Variants in PACS1 observed in about 807,000 individuals in gnomAD.
PACS1 encodes phosphofurin acidic cluster sorting protein 1.
In PACS1, 24 loss-of-function variants were observed where a neutral mutation model predicts 115.0. That is an observed-to-expected ratio of 0.21 (90% CI 0.15 to 0.29). PACS1 has a LOEUF of 0.29. PACS1 is among the 10% of genes least tolerant of loss of function. The probability of loss-of-function intolerance (pLI) is 1.00; values close to 1 mark genes in which losing one functional copy is unlikely to be tolerated. For missense variants in PACS1, 838 were observed against 1,251.2 expected (o/e 0.67, Z 4.98); for synonymous variants, 453 against 504.5 (o/e 0.90, Z 1.37).
intron 4 of PACS1, 132 bp from the exon 5 acceptor site, chr11:66,215,987 C>T: frequency 1.7e-6 from 1 of 598,876 alleles, no homozygotes; most frequent in South Asian, 2.4e-5. Flanking sequence ...GGACAGTAGG[C>T]ATGGATTTGA....
chr11:66,171,872 C>T (rs1424781131), intron 1 of PACS1, among the ~76,000 whole-genome samples: 1 of 152,094 alleles, frequency 6.6e-6, no homozygotes, highest in Non-Finnish European at 1.5e-5. Flanking sequence ...AGCCACCGCG[C>T]CCGGCCTCAT....
At chr11:66,201,159 C>A (rs921083684) in intron 2 of PACS1, among the ~76,000 whole-genome samples, 3 of 151,754 alleles carry the variant, frequency 2.0e-5, no homozygotes, top group African/African-American at 7.3e-5. Context: ...GTGGAGGTTA[C>A]AGTGAGCGGA....
chr11:66,218,135 T>C (rs775394538), intron 7 of PACS1: 2 of 152,248 alleles, frequency 1.3e-5, no homozygotes, highest in Non-Finnish European at 2.9e-5. Context: ...TCTGTGAACA[T>C]GTCTCATGCT....
intron 1 of PACS1, among the ~76,000 whole-genome samples, chr11:66,087,750 T>C (rs1857597504): frequency 6.6e-6 from 1 of 152,218 alleles, no homozygotes; most frequent in Non-Finnish European, 1.5e-5. Flanking sequence ...GGCATTCTTG[T>C]ACATGTCTGT....
chr11:66,089,608 C>A (rs1213941727), intron 1 of PACS1, among the ~76,000 whole-genome samples: 1 of 152,028 alleles, frequency 6.6e-6, no homozygotes, highest in South Asian at 2.1e-4. Flanking sequence ...ATCTTCTCCT[C>A]GAAATAGAAA....
At chr11:66,154,452 TAGAG>T (rs776747642) in intron 1 of PACS1, among the ~76,000 whole-genome samples, 10 of 151,930 alleles carry the variant, frequency 6.6e-5, no homozygotes, top group East Asian at 1.9e-4. Context: ...AAAATAAAAA[TAGAG>T]AGGCTACTAG....
chr11:66,081,139 TG>T (rs950022172), intron 1 of PACS1, among the ~76,000 whole-genome samples: 2 of 151,828 alleles, frequency 1.3e-5, no homozygotes, highest in Admixed American at 1.3e-4. Flanking sequence ...AGGCTGAGGC[TG>T]GAGGATTGTG....
At chr11:66,097,137 G>A (rs183241231) in intron 1 of PACS1, among the ~76,000 whole-genome samples, 3 of 152,278 alleles carry the variant, frequency 2.0e-5, no homozygotes, top group African/African-American at 4.8e-5. Flanking sequence ...AACTGAGGCA[G>A]ACAGATTCTG....
intron 11 of PACS1, among the ~76,000 whole-genome samples, chr11:66,228,734 T>G (rs915761903): frequency 5.9e-5 from 9 of 152,166 alleles, no homozygotes; most frequent in Non-Finnish European, 1.3e-4. Context: ...AGCATACCTG[T>G]TACCCAGGGG....
intron 1 of PACS1, among the ~76,000 whole-genome samples, chr11:66,134,887 T>C (rs1045788549): frequency 7.2e-5 from 11 of 152,212 alleles, no homozygotes; most frequent in Non-Finnish European, 1.2e-4. Flanking sequence ...TTCTTGTTTC[T>C]TCCTTATTTA....
chr11:66,192,821 A>G (rs566688729), intron 1 of PACS1, among the ~76,000 whole-genome samples: 1 of 132,648 alleles, frequency 7.5e-6, no homozygotes, highest in East Asian at 1.9e-4. Context: ...CTGAGACTCC[A>G]CAGTGAGGGA....
At chr11:66,172,058 G>A (rs1377788668) in intron 1 of PACS1, among the ~76,000 whole-genome samples, 5 of 152,082 alleles carry the variant, frequency 3.3e-5, no homozygotes, top group Admixed American at 1.3e-4. Context: ...CTCCCACCAC[G>A]CTTGCCGTAC....
At chr11:66,224,061 G>A (rs141579406) in intron 10 of PACS1, among the ~76,000 whole-genome samples, 2 of 152,252 alleles carry the variant, frequency 1.3e-5, no homozygotes, top group East Asian at 3.9e-4. Context: ...GCCAGGCATG[G>A]TGATGCACAC....
chr11:66,209,416 G>A (rs961494540), intron 2 of PACS1, among the ~76,000 whole-genome samples: 1 of 152,092 alleles, frequency 6.6e-6, no homozygotes, highest in Non-Finnish European at 1.5e-5. Context: ...GGAACAGTGG[G>A]CAGGGAGGGT....
At position 66,168,629 on chromosome 11, in the gene PACS1, C is replaced by T. The variant is rs1207827088; in HGVS notation, c.357-24857C>T. 1.3e-5 allele frequency among the ~76,000 whole-genome samples: 2 copies of T among 149,960 alleles called. 1 individual carries two copies. The highest frequency in any genetic ancestry group is 5.1e-5 in the African/African-American group (2 of 39,458). On this transcript the variant is annotated intron_variant, in intron 1 of 23. Coordinates refer to ENST00000320580, the MANE Select transcript of PACS1 (RefSeq NM_018026.4). ...TCATTTTCCTCATCTGTAAAATAGGCGCTAATATTTCTACTTCATAGGGGC... is the reference window on the plus strand; with the variant it reads ...TCATTTTCCTCATCTGTAAAATAGGTGCTAATATTTCTACTTCATAGGGGC...
chr11:66,179,050 C>T (rs1859941402), intron 1 of PACS1, among the ~76,000 whole-genome samples: 1 of 152,142 alleles, frequency 6.6e-6, no homozygotes, highest in Non-Finnish European at 1.5e-5. Flanking sequence ...TGCCACCCAC[C>T]AGCAGTGTTT....
intron 1 of PACS1, among the ~76,000 whole-genome samples, chr11:66,185,741 T>G (rs1451933038): frequency 1.3e-5 from 2 of 152,174 alleles, no homozygotes; most frequent in African/African-American, 2.4e-5. Flanking sequence ...TATCTTCTCT[T>G]CCTTCATAAG....
intron 4 of PACS1, 77 bp downstream of exon 4, chr11:66,211,336 G>C: frequency 6.7e-7 from 1 of 1,501,344 alleles, no homozygotes; most frequent in African/African-American, 1.4e-5. Flanking sequence ...AGCCAGTTGA[G>C]CCTTCCAGAT....
intron 1 of PACS1, among the ~76,000 whole-genome samples, chr11:66,173,090 GGTTTTTTTTTTTT>G (rs778770264): frequency 1.4e-5 from 2 of 141,386 alleles, no homozygotes; most frequent in African/African-American, 5.7e-5. Context: ...TTTTGATTTT[GGTTTTTTTTTTTT>G]GTTTTTTTTT....
Sources: allele counts gnomAD v4.1 joint callset (sites outside exome capture counted in the v4.1 genomes callset), GRCh38; gene constraint gnomAD v4.1.1; transcripts MANE v1.5; gene names NCBI Gene and HGNC (gene_info 2026-07-23, HGNC 2026-07-21).